SNTG1: variants seen among roughly 807,000 people sequenced by gnomAD.
SNTG1 encodes the protein syntrophin gamma 1.
A neutral mutation model predicts 74.7 loss-of-function variants in SNTG1; 39 were observed. The observed-to-expected ratio is 0.52, with a 90% CI of 0.40 to 0.68. The LOEUF (loss-of-function observed/expected upper bound fraction) is 0.68, where lower values mean the gene tolerates loss of function less well. Among genes scored for constraint, SNTG1 ranks in the 30% least tolerant of loss-of-function variants. SNTG1 has a pLI of 0.00. For missense variants in SNTG1, 685 were observed against 609.5 expected, an observed-to-expected ratio of 1.12 and a Z score of -1.30; for synonymous variants, 254 against 217.1, an observed-to-expected ratio of 1.17 and a Z score of -1.49.
At chr8:50,561,436 A>C (rs1265012085) in intron 12 of SNTG1, among the ~76,000 whole-genome samples, 1 of 152,220 alleles carries the variant, frequency 6.6e-6, no homozygotes, top group East Asian at 1.9e-4. Flanking sequence ...AAAAAAGGAA[A>C]AAATACAGTG....
At chr8:50,352,382 T>A (rs917077284) in intron 2 of SNTG1, among the ~76,000 whole-genome samples, 1 of 151,168 alleles carries the variant, frequency 6.6e-6, no homozygotes, top group Non-Finnish European at 1.5e-5. Context: ...TTATGGTTTT[T>A]GGTTCGTTCT....
At chr8:49,985,412 G>A (rs1362767118) in intron 1 of SNTG1, among the ~76,000 whole-genome samples, 1 of 147,156 alleles carries the variant, frequency 6.8e-6, no homozygotes, top group African/African-American at 2.5e-5. Context: ...TTACAGGCAT[G>A]AGCCACCGCA....
At chr8:49,975,482 G>C (rs1264063096) in intron 1 of SNTG1, among the ~76,000 whole-genome samples, 5 of 152,132 alleles carry the variant, frequency 3.3e-5, no homozygotes, top group Non-Finnish European at 7.3e-5. Flanking sequence ...AAGATCATTG[G>C]AGCTGTGCAG....
At chr8:50,534,466 A>G (rs563501418) in intron 10 of SNTG1, among the ~76,000 whole-genome samples, 65 of 152,280 alleles carry the variant, frequency 4.3e-4, no homozygotes, top group Non-Finnish European at 7.8e-4. Flanking sequence ...CTCATGAAGA[A>G]AAGTTGGGAA....
intron 9 of SNTG1, among the ~76,000 whole-genome samples, chr8:50,505,943 A>T (rs910320922): frequency 2.6e-5 from 4 of 151,824 alleles, no homozygotes; most frequent in African/African-American, 9.7e-5. Flanking sequence ...TGTCATAAAG[A>T]TTTTTCTCTA....
intron 1 of SNTG1, among the ~76,000 whole-genome samples, chr8:50,142,989 G>T (rs1436821187): frequency 6.6e-6 from 1 of 151,882 alleles, no homozygotes. Flanking sequence ...CATGAGAATC[G>T]CCTGAACCCA....
rs149164628 is a variant in SNTG1 at position 50,199,877 on chromosome 8, G to T, written c.-28+27242G>T. Among the ~76,000 whole-genome samples the T allele has an allele frequency of 4.3e-3, 662 of 152,250 alleles. 5 individuals are homozygous for T. The highest frequency in any genetic ancestry group is 0.015 in the African/African-American group (630 of 41,546). ...AGGGAATATTGATTCTGAAGTGAAT[G>T]ACATGGATAAAGAAACAAAATTAGG... On this transcript the variant is annotated intron_variant, in intron 2 of 18. Transcript: ENST00000642720.
chr8:49,932,344 C>T (rs562685868), intron 1 of SNTG1, among the ~76,000 whole-genome samples: 18 of 151,086 alleles, frequency 1.2e-4, no homozygotes, highest in African/African-American at 3.5e-4. Context: ...TTTCTTCTAA[C>T]TTTTTATTTG....
chr8:50,462,796 CTTTTTTTTTTTTTTT>C (rs869119447), intron 8 of SNTG1, among the ~76,000 whole-genome samples: 5 of 57,412 alleles, frequency 8.7e-5, no homozygotes, highest in Admixed American at 2.5e-4. Context: ...AGGTTCTACT[CTTTTTTTTTTTTTTT>C]TTTTTTTTTT....
rs572938392 is a variant in SNTG1, at chr8:50,689,599, C to A, written c.1039-15001C>A. Among the ~76,000 whole-genome samples, 153 of 144,428 alleles carry A rather than the reference C, an allele frequency of 1.1e-3. 2 individuals are homozygous for A. The South Asian group carries it at 0.025, about 24-fold the overall frequency. 94.8% of individuals were successfully genotyped at this position (144,428 alleles called of 152,430 possible). A position where few individuals can be genotyped will look rare whatever the true frequency, so the allele number is the denominator to read the frequency against. On this transcript the variant is annotated intron_variant, in intron 15 of 18. Coordinates refer to ENST00000642720, the MANE Select transcript of SNTG1 (RefSeq NM_018967.5). The stretch of plus-strand genomic sequence containing the variant: ...AGCCTTGCATCCCGGGGATGAAGCC[C>A]ACTTGATCATGGTAGATAAGCTGTT...
At chr8:49,970,049 CAGTT>C (rs1245203747) in intron 1 of SNTG1, among the ~76,000 whole-genome samples, 2 of 151,942 alleles carry the variant, frequency 1.3e-5, no homozygotes, top group East Asian at 1.9e-4. Context: ...ATTAAGGAAA[CAGTT>C]AGACCAATCT....
intron 17 of SNTG1, among the ~76,000 whole-genome samples, chr8:50,719,562 A>T (rs2095482804): frequency 1.3e-5 from 2 of 152,202 alleles, no homozygotes; most frequent in African/African-American, 4.8e-5. Flanking sequence ...AATCCAAGAA[A>T]TCTGTACCAA....
intron 1 of SNTG1, among the ~76,000 whole-genome samples, chr8:49,942,972 A>T (rs1483407890): frequency 1.3e-5 from 2 of 152,154 alleles, no homozygotes; most frequent in East Asian, 3.8e-4. Context: ...ATCTACAAAA[A>T]ATATTTGCAA....
chr8:49,959,374 T>A (rs1810477937), intron 1 of SNTG1, among the ~76,000 whole-genome samples: 1 of 152,226 alleles, frequency 6.6e-6, no homozygotes, highest in Non-Finnish European at 1.5e-5. Context: ...GGATTCCAAA[T>A]GCTCTGGCAT....
chr8:50,631,768 GCA>G (rs2131113517), intron 13 of SNTG1, among the ~76,000 whole-genome samples: 1 of 152,230 alleles, frequency 6.6e-6, no homozygotes, highest in African/African-American at 2.4e-5. Flanking sequence ...CTACAGAAAA[GCA>G]CAGTGTGAAT....
chr8:50,596,180 A>C (rs1321871469), intron 13 of SNTG1, among the ~76,000 whole-genome samples: 1 of 151,944 alleles, frequency 6.6e-6, no homozygotes, highest in Non-Finnish European at 1.5e-5. Flanking sequence ...TTAAATTTTA[A>C]TTTACATTTC....
chr8:50,054,243 T>G (rs995264949), intron 1 of SNTG1, among the ~76,000 whole-genome samples: 2 of 152,086 alleles, frequency 1.3e-5, no homozygotes, highest in African/African-American at 4.8e-5. Context: ...AGCTCCCTTC[T>G]CAGCAAATGA....
intron 2 of SNTG1, among the ~76,000 whole-genome samples, chr8:50,357,905 T>G (rs561880257): frequency 5.3e-5 from 8 of 152,344 alleles, no homozygotes; most frequent in African/African-American, 1.7e-4. Context: ...ATAATCCAGA[T>G]GACAGATATT....
At chr8:50,447,333 C>T (rs1019202056) in intron 5 of SNTG1, among the ~76,000 whole-genome samples, 2 of 152,172 alleles carry the variant, frequency 1.3e-5, no homozygotes, top group African/African-American at 4.8e-5. Flanking sequence ...GGAAAATACT[C>T]TGATAACAGC....
Sources: allele counts gnomAD v4.1 joint callset (sites outside exome capture counted in the v4.1 genomes callset), GRCh38; gene constraint gnomAD v4.1.1; transcripts MANE v1.5; gene names NCBI Gene and HGNC (gene_info 2026-07-23, HGNC 2026-07-21).